The following NPAS2 variants were observed in gnomAD, a reference collection of about 807,000 sequenced individuals.
NPAS2 encodes the protein neuronal PAS domain-containing protein 2.
In NPAS2, 23 loss-of-function variants were observed where a neutral mutation model predicts 107.5. The ratio of observed to expected loss-of-function variants is 0.21; its 90% CI spans 0.15 to 0.30. NPAS2 has a LOEUF of 0.30. NPAS2 is among the 10% of genes least tolerant of loss of function. The pLI is 1.00. For synonymous variants in NPAS2, 403 were observed against 417.5 expected, an observed-to-expected ratio of 0.97 and a Z score of 0.42; for missense variants, 756 against 1,043.3, an observed-to-expected ratio of 0.72 and a Z score of 3.79.
At position 100,950,891 on chromosome 2, in the gene NPAS2, A is replaced by G. The variant is rs530627796; in HGVS notation, c.598+1411A>G. 6.1e-4 allele frequency among the ~76,000 whole-genome samples: 93 copies of G among 152,352 alleles called. 1 individual carries two copies. Among genetic ancestry groups the G allele is most frequent in the African/African-American group, 2.1e-3 (88 of 41,588 alleles). ...GGCTTGTCTAAACTTCATGAAATGA[A>G]TGTTTAATGAACCACACAAAGAAGT... is the stretch of plus-strand genomic sequence containing the variant. On this transcript the variant is annotated intron_variant, in intron 7 of 20. Coordinates refer to ENST00000335681, the MANE Select transcript of NPAS2 (RefSeq NM_002518.4).
At chr2:100,881,839 G>A (rs552393251) in intron 1 of NPAS2, among the ~76,000 whole-genome samples, 2 of 152,212 alleles carry the variant, frequency 1.3e-5, no homozygotes, top group African/African-American at 4.8e-5. Context: ...CACATGCCAC[G>A]GACAGTGCTG....
In NPAS2 at chr2:100,931,182, C is replaced by T. The variant is rs138145540; in HGVS notation, c.182-1728C>T. Reference sequence around the variant, plus strand: ...CCCGACACTGGACGTTTCCCCACAGCGCGGCCCTCCCTCCAGGGGCCCTCT... The same window carrying T: ...CCCGACACTGGACGTTTCCCCACAGTGCGGCCCTCCCTCCAGGGGCCCTCT... On this transcript the variant is annotated intron_variant, in intron 3 of 20. Transcript: ENST00000335681. Among the ~76,000 whole-genome samples, 719 of 152,314 alleles carry T rather than the reference C, an allele frequency of 4.7e-3. 8 individuals are homozygous for T. The highest frequency in any genetic ancestry group is 0.017 in the African/African-American group (686 of 41,560).
At chr2:100,877,578 C>G (rs923085290) in intron 1 of NPAS2, among the ~76,000 whole-genome samples, 1 of 152,202 alleles carries the variant, frequency 6.6e-6, no homozygotes, top group Non-Finnish European at 1.5e-5. Context: ...CTCCCCTCCC[C>G]TCAGGTGGGC....
chr2:100,838,694 A>G (rs923224380), intron 1 of NPAS2, among the ~76,000 whole-genome samples: 3 of 152,154 alleles, frequency 2.0e-5, no homozygotes, highest in Non-Finnish European at 4.4e-5. Flanking sequence ...CTGACTTTAC[A>G]TCCTCTGAGA....
intron 12 of NPAS2, among the ~76,000 whole-genome samples, chr2:100,973,859 T>G (rs1676770531): frequency 6.6e-6 from 1 of 152,210 alleles, no homozygotes; most frequent in African/African-American, 2.4e-5. Flanking sequence ...TATTATTTTT[T>G]TAGACAGAGT....
intron 2 of NPAS2, among the ~76,000 whole-genome samples, chr2:100,909,784 G>T (rs1322879777): frequency 6.6e-6 from 1 of 151,702 alleles, no homozygotes; most frequent in Non-Finnish European, 1.5e-5. Flanking sequence ...TTGTGAGAAC[G>T]CAGGAGGTAA....
chr2:100,826,570 A>G (rs1337945190), intron 1 of NPAS2, among the ~76,000 whole-genome samples: 1 of 152,244 alleles, frequency 6.6e-6, no homozygotes. Flanking sequence ...GCTACAGAGT[A>G]TTATTCAGAA....
rs759131936 is a variant in NPAS2 at position 100,948,220 on chromosome 2, T to G, written c.364-15T>G. On this transcript the variant is annotated splice_polypyrimidine_tract_variant and intron_variant, in intron 5 of 20. Coordinates refer to ENST00000335681, the MANE Select transcript of NPAS2 (RefSeq NM_002518.4). ...TCGTTGAGGGTGTACCTTTGTCCTT[T>G]ATTTTCTTTTTCAGTCGGATGTCAT... 9.3e-6 allele frequency: 15 copies of G among 1,611,178 alleles called. No homozygotes were observed. Among genetic ancestry groups the G allele is most frequent in the Non-Finnish European group, 1.3e-5 (15 of 1,179,396 alleles).
At chr2:100,939,693 A>T (rs1181232391) in intron 5 of NPAS2, among the ~76,000 whole-genome samples, 17 of 152,202 alleles carry the variant, frequency 1.1e-4, no homozygotes, top group Admixed American at 1.1e-3. Flanking sequence ...CCTGGGAATG[A>T]GAGACAGGAG....
chr2:100,829,520 T>C (rs974357257), intron 1 of NPAS2, among the ~76,000 whole-genome samples: 4 of 152,210 alleles, frequency 2.6e-5, no homozygotes, highest in African/African-American at 9.6e-5. Flanking sequence ...CCTGAAACTT[T>C]ATCGAAGTCA....
intron 1 of NPAS2, among the ~76,000 whole-genome samples, chr2:100,897,194 C>T (rs1331436682): frequency 6.6e-6 from 1 of 152,184 alleles, no homozygotes; most frequent in Non-Finnish European, 1.5e-5. Flanking sequence ...CACCTGGTCC[C>T]TCCCAGGACA....
chr2:100,957,898 A>T (rs952285966), intron 7 of NPAS2, among the ~76,000 whole-genome samples: 5 of 152,262 alleles, frequency 3.3e-5, no homozygotes, highest in African/African-American at 1.2e-4. Context: ...ACTGCACTCC[A>T]GCCTGGGCGA....
chr2:100,959,089 CAAAA>C (rs758460503), intron 7 of NPAS2, among the ~76,000 whole-genome samples: 3 of 47,674 alleles, frequency 6.3e-5, no homozygotes, highest in African/African-American at 1.1e-4. Flanking sequence ...CCCATCTCTT[CAAAA>C]AAAAAAAAAA....
chr2:100,913,649 C>A (rs1215668989), intron 2 of NPAS2, among the ~76,000 whole-genome samples: 2 of 152,112 alleles, frequency 1.3e-5, no homozygotes, highest in African/African-American at 2.4e-5. Flanking sequence ...CCTCTTTTCT[C>A]TTTTTACTGC....
Position 100,873,323 on chromosome 2 carries a change from C to T in NPAS2, c.-22-31410C>T, listed in dbSNP as rs577626633. 8.5e-3 allele frequency among the ~76,000 whole-genome samples: 1,109 copies of T among 130,272 alleles called. 15 individuals are homozygous for T. Among genetic ancestry groups the T allele is most frequent in the African/African-American group, 0.034 (1,057 of 30,896 alleles). 85.5% of individuals were successfully genotyped at this position (130,272 alleles called of 152,430 possible). A position where few individuals can be genotyped will look rare whatever the true frequency, so the allele number is the denominator to read the frequency against. The stretch of plus-strand genomic sequence containing the variant: ...ATATATATATACACACACACACACA[C>T]ACACACACACACACACACATATATA... On this transcript the variant is annotated intron_variant, in intron 1 of 20. Transcript: ENST00000335681.
chr2:100,973,854 T>C (rs1249211004), intron 12 of NPAS2, among the ~76,000 whole-genome samples: 2 of 151,628 alleles, frequency 1.3e-5, no homozygotes, highest in Non-Finnish European at 2.9e-5. Context: ...TTTATTATTA[T>C]TTTTTTAGAC....
intron 1 of NPAS2, among the ~76,000 whole-genome samples, chr2:100,830,896 C>T (rs1359369980): frequency 1.3e-5 from 2 of 152,116 alleles, no homozygotes; most frequent in Non-Finnish European, 2.9e-5. Flanking sequence ...AAAGTGTTGA[C>T]AGTAAGGGAG....
At chr2:100,846,041 T>C (rs1677753078) in intron 1 of NPAS2, among the ~76,000 whole-genome samples, 1 of 152,148 alleles carries the variant, frequency 6.6e-6, no homozygotes, top group South Asian at 2.1e-4. Flanking sequence ...AGGCCCAAGG[T>C]GAATGGAGAC....
At chr2:100,970,800 A>C (rs868427548) in intron 11 of NPAS2, 190 bp from the exon 12 acceptor site, 1 of 478,324 alleles carries the variant, frequency 2.1e-6, no homozygotes, top group Middle Eastern at 5.3e-4. Flanking sequence ...TAAGTCACTC[A>C]GGTCGAATTT....
Sources: gnomAD v4.1 joint callset for allele counts (sites outside exome capture counted in the v4.1 genomes callset) on GRCh38, gnomAD v4.1.1 for gene constraint, MANE v1.5 for transcripts, NCBI Gene and HGNC (gene_info 2026-07-23, HGNC 2026-07-21) for gene names.